Variants in DNAH14 observed in about 807,000 individuals in gnomAD.
DNAH14 encodes the protein axonemal beta dynein heavy chain 14.
Under a neutral mutation model 520.9 loss-of-function variants are expected in DNAH14, and 478 were observed. The ratio of observed to expected loss-of-function variants is 0.92; its 90% CI spans 0.85 to 0.99. The LOEUF (loss-of-function observed/expected upper bound fraction) is 0.99. Ranked by LOEUF, DNAH14 falls within the 50% of genes least tolerant of loss-of-function variation. DNAH14 has a pLI of 0.00. For missense variants in DNAH14, 4,831 were observed against 5,234.5 expected (o/e 0.92, Z 2.38); for synonymous variants, 1,581 against 1,757.2 (o/e 0.90, Z 2.51).
chr1:224,956,495 G>T (rs899257713), intron 3 of DNAH14, among the ~76,000 whole-genome samples: 3 of 152,016 alleles, frequency 2.0e-5, no homozygotes, highest in African/African-American at 7.3e-5. Context: ...TTGTAGCCTC[G>T]GAGTAATAGT....
At chr1:225,264,149 A>G (rs1356117922) in intron 46 of DNAH14, 48 bp from the exon 47 acceptor site, 2 of 1,446,032 alleles carry the variant, frequency 1.4e-6, no homozygotes, top group Non-Finnish European at 1.9e-6. Context: ...TAATATACCT[A>G]TTATGGTAAA....
intron 23 of DNAH14, among the ~76,000 whole-genome samples, chr1:225,116,537 C>T (rs1247387583): frequency 6.6e-6 from 1 of 152,132 alleles, no homozygotes; most frequent in African/African-American, 2.4e-5. Context: ...ACCTACAGGA[C>T]ATTCAAGTGA....
intron 42 of DNAH14, among the ~76,000 whole-genome samples, chr1:225,237,100 A>G (rs1381370528): frequency 1.3e-5 from 2 of 151,848 alleles, no homozygotes; most frequent in Admixed American, 6.6e-5. Context: ...TGCACATGAG[A>G]TGAGTTTCTT....
At chr1:225,119,902 G>T (rs995688014) in intron 26 of DNAH14, among the ~76,000 whole-genome samples, 1 of 152,146 alleles carries the variant, frequency 6.6e-6, no homozygotes, top group Non-Finnish European at 1.5e-5. Flanking sequence ...CCAATACAAG[G>T]TTTCTAGAGC....
intron 15 of DNAH14, among the ~76,000 whole-genome samples, chr1:225,047,744 T>C (rs1292336136): frequency 6.6e-6 from 1 of 152,266 alleles, no homozygotes; most frequent in East Asian, 1.9e-4. Context: ...TGTGTTTATG[T>C]ACAGTTTTTT....
chr1:225,202,671 C>T (rs2087007358), intron 38 of DNAH14, among the ~76,000 whole-genome samples: 1 of 152,212 alleles, frequency 6.6e-6, no homozygotes, highest in African/African-American at 2.4e-5. Context: ...GGAGTCTGCA[C>T]ACTGGATTCA....
chr1:225,381,652 G>A, intron 81 of DNAH14, 73 bp downstream of exon 81: 1 of 1,145,038 alleles, frequency 8.7e-7, no homozygotes, highest in Non-Finnish European at 1.2e-6. Flanking sequence ...GAATGGTGAA[G>A]GTAAATGGTG....
chr1:225,122,091 A>T (rs1276788911), intron 26 of DNAH14, among the ~76,000 whole-genome samples: 2 of 152,142 alleles, frequency 1.3e-5, no homozygotes, highest in East Asian at 1.9e-4. Context: ...GTAGAAAAAA[A>T]GTTCTGCCTT....
chr1:225,055,555 C>T (rs2068952069), intron 17 of DNAH14, among the ~76,000 whole-genome samples: 1 of 151,750 alleles, frequency 6.6e-6, no homozygotes. Context: ...TTTTATTATA[C>T]TTTAAATTTT....
intron 11 of DNAH14, among the ~76,000 whole-genome samples, chr1:225,028,029 C>G (rs1185143508): frequency 6.6e-6 from 1 of 151,994 alleles, no homozygotes; most frequent in African/African-American, 2.4e-5. Flanking sequence ...CTGCTGGATT[C>G]AGTCTGGTAT....
At position 225,336,038 on chromosome 1, in the gene DNAH14, C is replaced by CAT. The variant is rs754846364; in HGVS notation, c.10081-1223_10081-1222dup. ...ATATATGCATATATGTATATACACA[C>CAT]ATATATGCATATATACATATATGTA... On this transcript the variant is annotated intron_variant, in intron 66 of 85. Transcript: ENST00000682510. Among the ~76,000 whole-genome samples, 16 of 64,666 alleles carry CAT rather than the reference C, an allele frequency of 2.5e-4. No individual in the cohort carries two copies. The East Asian group carries it at 4.8e-3, about 19-fold the overall frequency. 42.4% of individuals were successfully genotyped at this position (64,666 alleles called of 152,430 possible). A position where few individuals can be genotyped will look rare whatever the true frequency, so the allele number is the denominator to read the frequency against.
chr1:225,166,738 G>T (rs781084794), intron 35 of DNAH14, among the ~76,000 whole-genome samples: 5 of 152,004 alleles, frequency 3.3e-5, no homozygotes, highest in African/African-American at 9.7e-5. Flanking sequence ...TGTCATTATC[G>T]CCAAGTAACT....
chr1:224,979,193 C>A (rs1159653926), intron 8 of DNAH14, among the ~76,000 whole-genome samples: 2 of 152,230 alleles, frequency 1.3e-5, no homozygotes, highest in East Asian at 3.9e-4. Flanking sequence ...ACCACAGTAC[C>A]TGGTTTTAAC....
chr1:225,357,880 T>C, intron 73 of DNAH14: 1 of 701,152 alleles, frequency 1.4e-6, no homozygotes, highest in Non-Finnish European at 2.6e-6. Flanking sequence ...TGTAAGTGAT[T>C]TGTATAAAAC....
chr1:225,032,617 G>A (rs1425061302), intron 11 of DNAH14, among the ~76,000 whole-genome samples: 9 of 151,966 alleles, frequency 5.9e-5, no homozygotes, highest in African/African-American at 1.2e-4. Context: ...CTGCTGGGTC[G>A]AATGGTAGTT....
intron 41 of DNAH14, among the ~76,000 whole-genome samples, chr1:225,227,850 G>C (rs1312305248): frequency 6.6e-6 from 1 of 152,094 alleles, no homozygotes; most frequent in Admixed American, 6.5e-5. Flanking sequence ...ATCAGTGCCT[G>C]ATTTGCACTA....
At chr1:225,294,389 T>A (rs1359611303) in intron 55 of DNAH14, among the ~76,000 whole-genome samples, 1 of 152,200 alleles carries the variant, frequency 6.6e-6, no homozygotes, top group East Asian at 1.9e-4. Context: ...AATATTGGCC[T>A]ATAGTTTTCC....
chr1:225,108,460 G>A (rs536884067), intron 23 of DNAH14, among the ~76,000 whole-genome samples: 53 of 152,200 alleles, frequency 3.5e-4, no homozygotes, highest in African/African-American at 1.0e-3. Flanking sequence ...CTAGAGAACC[G>A]TGACTAATAC....
At chr1:225,364,551 T>G (rs1171446564) in intron 75 of DNAH14, among the ~76,000 whole-genome samples, 1 of 152,090 alleles carries the variant, frequency 6.6e-6, no homozygotes, top group Non-Finnish European at 1.5e-5. Flanking sequence ...ATTTCCAGAT[T>G]TTTTGCAATG....
Sources: allele counts gnomAD v4.1 joint callset (sites outside exome capture counted in the v4.1 genomes callset), GRCh38; gene constraint gnomAD v4.1.1; transcripts MANE v1.5; gene names NCBI Gene and HGNC (gene_info 2026-07-23, HGNC 2026-07-21).